F2: variants seen among roughly 807,000 people sequenced by gnomAD.
F2 encodes the protein coagulation factor II, thrombin.
In F2, 34 loss-of-function variants were observed where a neutral mutation model predicts 81.9. The ratio of observed to expected loss-of-function variants is 0.42; its 90% CI spans 0.32 to 0.55. The LOEUF (loss-of-function observed/expected upper bound fraction) is 0.55. Among genes scored for constraint, F2 ranks in the 20% least tolerant of loss-of-function variants. The probability of loss-of-function intolerance (pLI) is 0.18; values close to 1 mark genes in which losing one functional copy is unlikely to be tolerated. For missense variants in F2, 630 were observed against 833.4 expected (o/e 0.76, Z 3.00); for synonymous variants, 296 against 326.4 (o/e 0.91, Z 1.01).
intron 4 of F2, 143 bp downstream of exon 4, chr11:46,720,983 T>A (rs988659955): frequency 2.7e-5 from 22 of 808,304 alleles, no homozygotes; most frequent in Non-Finnish European, 4.2e-5. Flanking sequence ...GGTCAAGATG[T>A]CTCTTTGTAC....
rs189888733 is a variant in F2, at chr11:46,737,534, G to A, written c.1655-1514G>A. 7.5e-3 allele frequency among the ~76,000 whole-genome samples: 1,100 copies of A among 146,810 alleles called. 16 individuals are homozygous for A. Among genetic ancestry groups the A allele is most frequent in the African/African-American group, 0.027 (1,052 of 38,768 alleles). ...CGGCTCACTGAAAGCTCCACCTCCCGGGTTCACGCCATCCTCCTGCCTCAG... is the reference window on the plus strand; with the variant it reads ...CGGCTCACTGAAAGCTCCACCTCCCAGGTTCACGCCATCCTCCTGCCTCAG... On this transcript the variant is annotated intron_variant, in intron 12 of 13. Transcript: ENST00000311907.
chr11:46,729,060 G>C (rs1313961768), intron 11 of F2, among the ~76,000 whole-genome samples: 1 of 152,072 alleles, frequency 6.6e-6, no homozygotes, highest in East Asian at 1.9e-4. Flanking sequence ...GTAGTTGTGC[G>C]ATCTTGGCTC....
chr11:46,734,325 CT>C (rs1358881381), intron 12 of F2, among the ~76,000 whole-genome samples: 1 of 151,918 alleles, frequency 6.6e-6, no homozygotes, highest in Non-Finnish European at 1.5e-5. Flanking sequence ...TGGTCCCTTT[CT>C]TATCAATTTT....
In F2 at chr11:46,739,280, C is replaced by T. The variant is rs768822664; in HGVS notation, c.1741C>T (p.Arg581Cys). 3 of 1,614,068 alleles carry T rather than the reference C, an allele frequency of 1.9e-6. No homozygotes were observed. The highest frequency in any genetic ancestry group is 2.5e-6 in the Non-Finnish European group (3 of 1,180,018). The part of the protein sequence containing the change: ...PFVMKSPFNN[R>C]WYQMGIVSWG... The stretch of plus-strand genomic sequence containing the variant: ...TCTTCTTCAGAGCCCCTTTAACAAC[C>T]GCTGGTATCAAATGGGCATCGTCTC... The change falls in exon 14 of 14, where the codon CGC (arginine) becomes TGC (cysteine). Residue 581 changes from arginine (R) to cysteine (C), a missense_variant. By Grantham distance (180) the Arg-to-Cys change is radical. Transcript: ENST00000311907.
At chr11:46,738,175 ATT>A (rs1412355474) in intron 12 of F2, among the ~76,000 whole-genome samples, 1 of 151,384 alleles carries the variant, frequency 6.6e-6, no homozygotes, top group Non-Finnish European at 1.5e-5. Flanking sequence ...TAATTTTTGT[ATT>A]TTTAGTAGAG....
chr11:46,731,959 C>T lies in F2; in HGVS notation c.1654+2398C>T, dbSNP rs111777805. Among the ~76,000 whole-genome samples the T allele has an allele frequency of 2.0e-4, 29 of 144,324 alleles. 1 individual carries two copies. The highest frequency in any genetic ancestry group is 2.2e-4 in the South Asian group (1 of 4,500). 94.7% of individuals were successfully genotyped at this position (144,324 alleles called of 152,430 possible). A position where few individuals can be genotyped will look rare whatever the true frequency, so the allele number is the denominator to read the frequency against. On this transcript the variant is annotated intron_variant, in intron 12 of 13. Transcript: ENST00000311907. Reference sequence around the variant, plus strand: ...TGTGATGGAGTCTCCCTCTATCACCCGGGCTGGAGTGTGTGGTGCGATCTC... The same window carrying T: ...TGTGATGGAGTCTCCCTCTATCACCTGGGCTGGAGTGTGTGGTGCGATCTC...
At chr11:46,732,755 C>T (rs2064921206) in intron 12 of F2, among the ~76,000 whole-genome samples, 1 of 152,136 alleles carries the variant, frequency 6.6e-6, no homozygotes, top group East Asian at 1.9e-4. Context: ...CAAGTTTGGC[C>T]TGTGGAAGTC....
chr11:46,726,762 A>G lies in F2; in HGVS notation c.1055A>G (p.Glu352Gly). ...FEKKSLEDKT[E>G]RELLESYIDG... ...AAGAAGTCGCTGGAGGACAAAACCG[A>G]AAGAGAGCTCCTGGAATCCTACATC... is the stretch of plus-strand genomic sequence containing the variant. The change falls in exon 9 of 14, where the codon GAA (glutamate) becomes GGA (glycine). Residue 352 changes from glutamate (E) to glycine (G), a missense_variant. Transcript: ENST00000311907. The surrounding 1 kb of genome is among the most constrained non-coding windows in gnomAD (Gnocchi z 5.9). 3 of 1,614,198 alleles carry G rather than the reference A, an allele frequency of 1.9e-6. No individual in the cohort carries two copies. The highest frequency in any genetic ancestry group is 2.5e-6 in the Non-Finnish European group (3 of 1,180,034).
In F2 at chr11:46,728,141, A is replaced by G; in HGVS notation, c.1276A>G (p.Ile426Val). The G allele has an allele frequency of 6.2e-7, 1 of 1,609,986 alleles. No individual in the cohort carries two copies. Among genetic ancestry groups the G allele is most frequent in the Non-Finnish European group, 8.5e-7 (1 of 1,178,676 alleles). The change falls in exon 10 of 14, where the codon ATT becomes GTT. Residue 426 changes from isoleucine to valine, a missense_variant. Physicochemically the swap from Ile to Val is conservative, Grantham distance 29. Transcript: ENST00000311907. The surrounding 1 kb of genome is among the most constrained non-coding windows in gnomAD (Gnocchi z 5.1). The part of the protein sequence containing the change: ...NFTENDLLVR[I>V]GKHSRTRYER... Reference sequence around the variant, plus strand: ...CACCGAGAATGACCTTCTGGTGCGCATTGGCAAGCACTCCCGCACCAGGTA... The same window carrying G: ...CACCGAGAATGACCTTCTGGTGCGCGTTGGCAAGCACTCCCGCACCAGGTA...
At chr11:46,720,355 A>G (rs1236756670) in intron 2 of F2, among the ~76,000 whole-genome samples, 168 bp from the exon 3 acceptor site, 1 of 151,914 alleles carries the variant, frequency 6.6e-6, no homozygotes, top group Non-Finnish European at 1.5e-5. Flanking sequence ...ATCCTCAAAT[A>G]TTCTTCTCCT....
chr11:46,720,928 G>C, intron 4 of F2, 88 bp downstream of exon 4: 1 of 1,405,728 alleles, frequency 7.1e-7, no homozygotes. Flanking sequence ...GTGGCTGGTG[G>C]AGGCCGAGGC....
In F2 at chr11:46,723,557, CGGGGGCTTCATGGGGCCT is replaced by C. The variant is rs1422421659; in HGVS notation, c.559+42_559+59del. On this transcript the variant is annotated intron_variant, in intron 6 of 13. Transcript: ENST00000311907. The surrounding 1 kb of genome is among the most constrained non-coding windows in gnomAD (Gnocchi z 5.6). ...AGTGGGGCGGCCCATGGCCAAGGCCCGGGGGCTTCATGGGGCCTGGCAGCCTGGGATGGGAACCAAGAA... is the reference window on the plus strand; with the variant it reads ...AGTGGGGCGGCCCATGGCCAAGGCCCGGCAGCCTGGGATGGGAACCAAGAA... The C allele has an allele frequency of 7.0e-6, 11 of 1,580,800 alleles. No homozygotes were observed. Among genetic ancestry groups the C allele is most frequent in the Non-Finnish European group, 8.6e-6 (10 of 1,161,904 alleles).
chr11:46,728,919 C>A lies in F2; in HGVS notation c.1472+82C>A. On this transcript the variant is annotated intron_variant, in intron 11 of 13. Coordinates refer to ENST00000311907, the MANE Select transcript of F2 (RefSeq NM_000506.5). This position sits in a 1 kb window ranked among gnomAD's most constrained non-coding sequence, Gnocchi z 5.1. ...CTGATACCAAGTAGCCTTGCAAGAGCCCCTTTCCCTTTTCCAGGCCTCGGT... is the reference window on the plus strand; with the variant it reads ...CTGATACCAAGTAGCCTTGCAAGAGACCCTTTCCCTTTTCCAGGCCTCGGT... The A allele has an allele frequency of 6.7e-7, 1 of 1,490,448 alleles. No homozygotes were observed. Among genetic ancestry groups the A allele is most frequent in the Non-Finnish European group, 9.3e-7 (1 of 1,078,876 alleles). 92.3% of individuals were successfully genotyped at this position (1,490,448 alleles called of 1,614,324 possible). A position where few individuals can be genotyped will look rare whatever the true frequency, so the allele number is the denominator to read the frequency against.
intron 6 of F2, among the ~76,000 whole-genome samples, chr11:46,724,112 C>A (rs1038549062): frequency 6.6e-6 from 1 of 152,160 alleles, no homozygotes; most frequent in Non-Finnish European, 1.5e-5. Context: ...CTCCGGGAAG[C>A]CCTCCCTAGC....
chr11:46,723,394 T>TA lies in F2; in HGVS notation c.436dup (p.Thr146AsnfsTer71). On this transcript the variant is annotated frameshift_variant, in exon 6 of 14. Coordinates refer to ENST00000311907, the MANE Select transcript of F2 (RefSeq NM_000506.5). LOFTEE classifies it high-confidence loss of function. This position sits in a 1 kb window ranked among gnomAD's most constrained non-coding sequence, Gnocchi z 5.6. ...TTTCCTGTTCCAGAATCAACTCCAC[T>TA]ACCCATCCTGGGGCCGACCTACAGG... 6.2e-7 allele frequency: 1 copy of TA among 1,613,852 alleles called. No homozygotes were observed. Among genetic ancestry groups the TA allele is most frequent in the Non-Finnish European group, 8.5e-7 (1 of 1,179,952 alleles).
chr11:46,721,351 T>C (rs548561911), intron 4 of F2, among the ~76,000 whole-genome samples: 7 of 152,062 alleles, frequency 4.6e-5, no homozygotes, highest in African/African-American at 2.4e-5. Context: ...TGAATTCATG[T>C]TTAAGGCTTC....
In F2 at chr11:46,719,787, C is replaced by T; in HGVS notation, c.165C>T (p.Asn55=). The change falls in exon 2 of 14, where the codon AAC becomes AAT. Residue 55 remains asparagine (N), a synonymous_variant. Transcript: ENST00000311907. This position sits in a 1 kb window ranked among gnomAD's most constrained non-coding sequence, Gnocchi z 4.7. ...TCTTGGAGGAGGTGCGCAAGGGCAA[C>T]CTGGAGCGAGAGTGCGTGGAGGAGA... ...NTFLEEVRKG[N]LERECVEETC... 2 of 1,597,640 alleles carry T rather than the reference C, an allele frequency of 1.3e-6. No homozygotes were observed. The highest frequency in any genetic ancestry group is 1.7e-6 in the Non-Finnish European group (2 of 1,173,010).
In F2 at chr11:46,737,642, G is replaced by A. The variant is rs1277732843; in HGVS notation, c.1655-1406G>A. ...TTTAGTAGAGACAGGGTTTCACCGC[G>A]TTCGCCAGGATGGTCTCGATCTCCT... On this transcript the variant is annotated intron_variant, in intron 12 of 13. Coordinates refer to ENST00000311907, the MANE Select transcript of F2 (RefSeq NM_000506.5). Among the ~76,000 whole-genome samples, 9 of 151,082 alleles carry A rather than the reference G, an allele frequency of 6.0e-5. No individual in the cohort carries two copies. The East Asian group carries it at 1.2e-3, about 20-fold the overall frequency.
intron 2 of F2, chr11:46,720,207 G>A (rs950928804): frequency 5.5e-5 from 30 of 548,422 alleles, no homozygotes; most frequent in Admixed American, 1.9e-4. Flanking sequence ...ACAAGCCCCC[G>A]GGCTCAAGAC....
Sources: allele counts gnomAD v4.1 joint callset (sites outside exome capture counted in the v4.1 genomes callset), GRCh38; gene constraint gnomAD v4.1.1; non-coding constraint Gnocchi (gnomAD v3.1); transcripts MANE v1.5; gene names NCBI Gene and HGNC (gene_info 2026-07-23, HGNC 2026-07-21).